HAUS7: variants seen among roughly 807,000 people sequenced by gnomAD.
HAUS7 encodes HAUS augmin like complex subunit 7.
A neutral mutation model predicts 28.4 loss-of-function variants in HAUS7; 3 were observed. The observed-to-expected ratio is 0.11, with a 90% confidence interval of 0.05 to 0.27. The LOEUF (loss-of-function observed/expected upper bound fraction) is 0.27, where lower values mean the gene tolerates loss of function less well. HAUS7 is among the 10% of genes least tolerant of loss of function. HAUS7 has a pLI of 1.00. For synonymous variants in HAUS7, 165 were observed against 132.1 expected, an observed-to-expected ratio of 1.25 and a Z score of -1.71; for missense variants, 284 against 297.3, an observed-to-expected ratio of 0.96 and a Z score of 0.33.
chrX:153,474,582 G>T (rs2089549584), upstream of HAUS7, among the ~76,000 whole-genome samples: 1 of 111,331 alleles, frequency 9.0e-6, no homozygotes, highest in South Asian at 3.8e-4. Context: ...TGGCTCAGCG[G>T]TCCATCTTTG....
At chrX:153,455,068 A>G (rs934501751) in intron 8 of HAUS7, 1 of 996,349 alleles carries the variant, frequency 1.0e-6, no homozygotes, top group Non-Finnish European at 1.3e-6. Context: ...CATGTGGAAC[A>G]ACGAAACAAG....
At chrX:153,482,279 A>T in intron 1 of HAUS7, 1 of 754,703 alleles carries the variant, frequency 1.3e-6, no homozygotes, top group Non-Finnish European at 1.6e-6. Context: ...CTGTGCCCCG[A>T]CCAGCAGGCC....
intron 4 of HAUS7, 119 bp from the exon 5 acceptor site, chrX:153,457,347 C>T (rs1344137310): frequency 2.0e-6 from 1 of 502,780 alleles, no homozygotes. Context: ...AAAGGAGGGG[C>T]CTGGCCCATC....
intron 1 of HAUS7, chrX:153,486,550 C>T (rs2089639289): frequency 1.3e-6 from 1 of 781,509 alleles, no homozygotes; most frequent in Admixed American, 3.1e-5. Context: ...GGGCAGGGGT[C>T]TCTGTCTCTT....
chrX:153,463,933 C>A (rs2089425076), intron 3 of HAUS7, among the ~76,000 whole-genome samples: 1 of 112,953 alleles, frequency 8.9e-6, no homozygotes, highest in Non-Finnish European at 1.9e-5. Context: ...AATTCTCCCA[C>A]CCTCTGGCCC....
intron 2 of HAUS7, 74 bp downstream of exon 2, chrX:153,469,072 C>G: frequency 1.7e-6 from 1 of 586,024 alleles, no homozygotes; most frequent in Non-Finnish European, 3.0e-6. Context: ...ACCACAAACC[C>G]CATCTTCCCC....
intron 4 of HAUS7, among the ~76,000 whole-genome samples, chrX:153,457,508 G>A (rs1156579518): frequency 1.8e-5 from 2 of 113,319 alleles, no homozygotes; most frequent in Non-Finnish European, 3.7e-5. Flanking sequence ...TCGTGCAGCC[G>A]ACAGCATGGC....
In HAUS7 at chrX:153,448,037, T is replaced by C. The variant is rs1264851653; in HGVS notation, c.1046-128A>G. On this transcript the variant is annotated intron_variant, in intron 9 of 9. Transcript: ENST00000370211. ...ATACCATTTGACCCAGCCATCCCATTACTGGGTATATACCCAAAGGACTAT... is the reference window on the plus strand; with the variant it reads ...ATACCATTTGACCCAGCCATCCCATCACTGGGTATATACCCAAAGGACTAT... The C allele has an allele frequency of 5.8e-6, 3 of 519,629 alleles. No individual in the cohort carries two copies. In the East Asian group the frequency reaches 1.0e-4, roughly 18 times the overall value. 42.8% of individuals were successfully genotyped at this position (519,629 alleles called of 1,213,427 possible).
chrX:153,480,649 G>A (rs1238833205), intron 1 of HAUS7: 43 of 753,439 alleles, frequency 5.7e-5, no homozygotes, highest in Non-Finnish European at 5.9e-5. Flanking sequence ...GACCAGTTGC[G>A]GGATCAGCCC....
At position 153,457,009 on chromosome X, in the gene HAUS7, T is replaced by A. The variant is rs1486319096; in HGVS notation, c.446+128A>T. 5 of 500,898 alleles carry A rather than the reference T, an allele frequency of 1.0e-5. No individual in the cohort carries two copies. The African/African-American group carries it at 1.2e-4, about 12-fold the overall frequency. The allele number at this position is 500,898 out of a possible 1,213,427, so 41.3% of individuals were successfully genotyped here. A position where few individuals can be genotyped will look rare whatever the true frequency, so the allele number is the denominator to read the frequency against. On this transcript the variant is annotated intron_variant, in intron 5 of 9. Coordinates refer to ENST00000370211, the MANE Select transcript of HAUS7 (RefSeq NM_001385482.1). ...CCCGGCCCCTGATTGGCCAGCCAGA[T>A]CCCCAAGTGGGGTGTCACACCCCAG...
At chrX:153,477,303 A>G (rs2089568543) in intron 1 of HAUS7, among the ~76,000 whole-genome samples, 2 of 113,320 alleles carry the variant, frequency 1.8e-5, no homozygotes, top group Admixed American at 1.8e-4. Context: ...AAACAGGGGA[A>G]ATGGGTAGGG....
chrX:153,494,217 C>T (rs976143583), intron 1 of HAUS7, among the ~76,000 whole-genome samples: 2 of 112,125 alleles, frequency 1.8e-5, no homozygotes, highest in African/African-American at 3.2e-5. Flanking sequence ...GGGCTGAGCC[C>T]AGAGGAAGTG....
exon 1 of HAUS7, chrX:153,495,398 GTC>G (rs2089704420): frequency 8.9e-6 from 1 of 112,054 alleles, no homozygotes; most frequent in Admixed American, 9.4e-5. Context: ...TCCACCTCTT[GTC>G]TCTCTGCCTC....
intron 1 of HAUS7, among the ~76,000 whole-genome samples, chrX:153,483,715 C>T (rs1447838730): frequency 1.8e-5 from 2 of 111,784 alleles, no homozygotes; most frequent in Admixed American, 9.4e-5. Context: ...TGCTTGCAAG[C>T]TTGCAAGGCC....
At chrX:153,485,130 A>C (rs1205625445) in intron 1 of HAUS7, among the ~76,000 whole-genome samples, 5 of 112,009 alleles carry the variant, frequency 4.5e-5, no homozygotes, top group Non-Finnish European at 9.4e-5. Context: ...CTCCCAGCTG[A>C]AGGTGGCAGC....
At chrX:153,482,518 C>G in intron 1 of HAUS7, 1 of 750,266 alleles carries the variant, frequency 1.3e-6, no homozygotes, top group Non-Finnish European at 1.6e-6. Context: ...GTGCCCCACC[C>G]CCAGGACAGG....
intron 1 of HAUS7, chrX:153,482,005 C>A: frequency 4.2e-6 from 2 of 479,423 alleles, no homozygotes; most frequent in Non-Finnish European, 5.2e-6. Context: ...CCTGAGGCAT[C>A]CACTCACTGC....
upstream of HAUS7, among the ~76,000 whole-genome samples, chrX:153,474,535 A>G (rs5945409): frequency 0.52 from 57,701 of 110,421 alleles, 12,682 homozygotes; most frequent in East Asian, 1. Flanking sequence ...AGGCAGTTGT[A>G]GGGGGTGTGG....
At chrX:153,455,072 A>T in intron 8 of HAUS7, 2 of 975,354 alleles carry the variant, frequency 2.1e-6, no homozygotes, top group Non-Finnish European at 2.7e-6. Flanking sequence ...TGGAACAACG[A>T]AACAAGCAAA....
Sources: allele counts gnomAD v4.1 joint callset (sites outside exome capture counted in the v4.1 genomes callset), GRCh38; gene constraint gnomAD v4.1.1; transcripts MANE v1.5; gene names NCBI Gene and HGNC (gene_info 2026-07-23, HGNC 2026-07-21).